OSBPL6: variants seen among roughly 807,000 people sequenced by gnomAD.
OSBPL6 encodes oxysterol-binding protein-related protein 6.
A neutral mutation model predicts 125.8 loss-of-function variants in OSBPL6; 49 were observed. The ratio of observed to expected loss-of-function variants is 0.39; its 90% confidence interval spans 0.31 to 0.49. The LOEUF (loss-of-function observed/expected upper bound fraction) is 0.49. Among genes scored for constraint, OSBPL6 ranks in the 20% least tolerant of loss-of-function variants. OSBPL6 has a pLI of 0.88. For synonymous variants in OSBPL6, 394 were observed against 391.8 expected (o/e 1.01, Z -0.07); for missense variants, 986 against 1,135.4 (o/e 0.87, Z 1.89).
At chr2:178,279,244 G>A (rs1683883026) in intron 1 of OSBPL6, among the ~76,000 whole-genome samples, 1 of 152,148 alleles carries the variant, frequency 6.6e-6, no homozygotes, top group Admixed American at 6.5e-5. Context: ...GTTTCTGATG[G>A]GCTTGAATAA....
At chr2:178,344,475 A>T in intron 11 of OSBPL6, 1 of 947,916 alleles carries the variant, frequency 1.1e-6, no homozygotes, top group Non-Finnish European at 1.6e-6. Context: ...CTGTAGCCCA[A>T]TCATGGCAGC....
At chr2:178,356,934 A>G (rs1559288112) in intron 12 of OSBPL6, among the ~76,000 whole-genome samples, 2 of 152,164 alleles carry the variant, frequency 1.3e-5, no homozygotes. Flanking sequence ...AAACAACACC[A>G]CACATCTACA....
rs1440319866 is a variant in OSBPL6 at position 178,285,030 on chromosome 2, A to G, written c.-247A>G. ...AAGGTCAAAGACATATCATGTCCCA[A>G]GGAGAAAAGCTGCAGGCATCTGAGG... On this transcript the variant is annotated 5_prime_UTR_variant, in exon 2 of 25. Coordinates refer to ENST00000190611, the MANE Select transcript of OSBPL6 (RefSeq NM_032523.4). 5.0e-6 allele frequency: 2 copies of G among 398,438 alleles called. No homozygotes were observed. The highest frequency in any genetic ancestry group is 2.1e-5 in the African/African-American group (1 of 48,644). The allele number at this position is 398,438 out of a possible 1,614,324, so 24.7% of individuals were successfully genotyped here. A position where few individuals can be genotyped will look rare whatever the true frequency, so the allele number is the denominator to read the frequency against.
chr2:178,266,219 A>C (rs1000117700), intron 1 of OSBPL6, among the ~76,000 whole-genome samples: 1 of 152,236 alleles, frequency 6.6e-6, no homozygotes, highest in Non-Finnish European at 1.5e-5. Flanking sequence ...CTCAATCGCA[A>C]GAAGACCACA....
At chr2:178,350,321 G>A (rs527310729) in intron 12 of OSBPL6, among the ~76,000 whole-genome samples, 25 of 152,284 alleles carry the variant, frequency 1.6e-4, no homozygotes, top group African/African-American at 6.0e-4. Flanking sequence ...AGCCACTCAA[G>A]TTTGTTCTTA....
chr2:178,303,931 A>G lies in OSBPL6; in HGVS notation c.-155-2099A>G, dbSNP rs550915480. On this transcript the variant is annotated intron_variant, in intron 2 of 24. Coordinates refer to ENST00000190611, the MANE Select transcript of OSBPL6 (RefSeq NM_032523.4). ...GCTGCCAAAATCACCCTTTAGTAAC[A>G]CAAATCTGGTTACGTCTCGATGGCT... is the stretch of plus-strand genomic sequence containing the variant. 5.9e-5 allele frequency among the ~76,000 whole-genome samples: 9 copies of G among 152,028 alleles called. No homozygotes were observed. The South Asian group carries it at 1.7e-3, about 28-fold the overall frequency.
At chr2:178,376,351 C>T (rs959031165) in intron 15 of OSBPL6, among the ~76,000 whole-genome samples, 3 of 152,080 alleles carry the variant, frequency 2.0e-5, no homozygotes, top group African/African-American at 7.2e-5. Context: ...TGAAGATTTT[C>T]CTTCACTCCT....
At chr2:178,194,402 C>G (rs936683224), upstream of OSBPL6, 15 of 151,904 alleles carry the variant, frequency 9.9e-5, no homozygotes, top group Admixed American at 1.3e-4. Context: ...GGGCGGGAGC[C>G]GGGGGCGGGG....
In OSBPL6 at chr2:178,383,202, G is replaced by A; in HGVS notation, c.1800G>A (p.Gln600=). Residue 600 remains glutamine (Q), a synonymous_variant, in exon 17 of 25, where the codon CAG becomes CAA. Transcript: ENST00000190611. ...VELNEPLNTL[Q]HLCEEMEYSE... ...TAAACGAGCCGCTCAACACCCTGCA[G>A]CACCTCTGTGAGGAAATGGAATACA... is the stretch of plus-strand genomic sequence containing the variant. The A allele has an allele frequency of 2.5e-6, 4 of 1,614,216 alleles. No individual in the cohort carries two copies. The highest frequency in any genetic ancestry group is 3.4e-6 in the Non-Finnish European group (4 of 1,180,036).
intron 2 of OSBPL6, among the ~76,000 whole-genome samples, chr2:178,288,054 A>G (rs1050149702): frequency 2.0e-5 from 3 of 152,134 alleles, no homozygotes; most frequent in African/African-American, 7.2e-5. Flanking sequence ...CAACCCTGAC[A>G]TGGTGAGGAA....
chr2:178,240,882 A>T (rs932316904), intron 1 of OSBPL6, among the ~76,000 whole-genome samples: 8 of 152,232 alleles, frequency 5.3e-5, no homozygotes, highest in African/African-American at 1.9e-4. Flanking sequence ...GGGCCTATTC[A>T]TAGTTCTCAG....
At chr2:178,237,809 C>G (rs566748495) in intron 1 of OSBPL6, among the ~76,000 whole-genome samples, 1 of 152,188 alleles carries the variant, frequency 6.6e-6, no homozygotes, top group South Asian at 2.1e-4. Flanking sequence ...GTGAGGACCA[C>G]TGGTTTAGAA....
intron 1 of OSBPL6, among the ~76,000 whole-genome samples, chr2:178,264,138 C>T (rs1179501234): frequency 2.0e-5 from 3 of 151,964 alleles, no homozygotes; most frequent in Non-Finnish European, 2.9e-5. Flanking sequence ...AGTTATATCA[C>T]TCAGTTCTGA....
intron 1 of OSBPL6, among the ~76,000 whole-genome samples, chr2:178,239,592 T>TTTTTTTA (rs375630982): frequency 7.2e-6 from 1 of 138,712 alleles, no homozygotes; most frequent in African/African-American, 2.7e-5. Context: ...ATGAACTTTA[T>TTTTTTTA]TTTATTTATT....
chr2:178,374,362 T>C (rs147715906), intron 15 of OSBPL6, among the ~76,000 whole-genome samples: 488 of 152,262 alleles, frequency 3.2e-3, no homozygotes, highest in African/African-American at 0.011. Context: ...CTAATAAATA[T>C]AGAAAGAATG....
chr2:178,296,682 C>T (rs1366843096), intron 2 of OSBPL6, among the ~76,000 whole-genome samples: 1 of 152,146 alleles, frequency 6.6e-6, no homozygotes, highest in Non-Finnish European at 1.5e-5. Flanking sequence ...ATGCACATAG[C>T]TCCTGAGCTA....
chr2:178,241,439 A>G (rs1056056932), intron 1 of OSBPL6, among the ~76,000 whole-genome samples: 1 of 140,372 alleles, frequency 7.1e-6, no homozygotes, highest in African/African-American at 2.7e-5. Flanking sequence ...TTTCTGAGAC[A>G]TGGTCTCATT....
intron 2 of OSBPL6, among the ~76,000 whole-genome samples, chr2:178,298,694 G>GTTTTTTTTTT (rs757606940): frequency 5.0e-5 from 7 of 139,440 alleles, no homozygotes; most frequent in African/African-American, 1.8e-4. Flanking sequence ...ATTTTTAGTT[G>GTTTTTTTTTT]CTTTTTTTTT....
chr2:178,256,079 A>G (rs1269707243), intron 1 of OSBPL6, among the ~76,000 whole-genome samples: 1 of 152,194 alleles, frequency 6.6e-6, no homozygotes, highest in Non-Finnish European at 1.5e-5. Context: ...GACCACATGG[A>G]TGATCAAGCA....
Sources: allele counts gnomAD v4.1 joint callset (sites outside exome capture counted in the v4.1 genomes callset), GRCh38; gene constraint gnomAD v4.1.1; transcripts MANE v1.5; gene names NCBI Gene and HGNC (gene_info 2026-07-23, HGNC 2026-07-21).